CNTN3: variants seen among roughly 807,000 people sequenced by gnomAD.
CNTN3 encodes the protein contactin 3.
In CNTN3, 60 loss-of-function variants were observed where a neutral mutation model predicts 119.1. That is an observed-to-expected ratio of 0.50 (90% confidence interval 0.41 to 0.62). The LOEUF is 0.62. CNTN3 is among the 20% of genes least tolerant of loss of function. The pLI, the probability that CNTN3 is intolerant of heterozygous loss-of-function variation, is 0.00. For synonymous variants in CNTN3, 450 were observed against 438.7 expected, an observed-to-expected ratio of 1.03 and a Z score of -0.32; for missense variants, 1,101 against 1,242.4, an observed-to-expected ratio of 0.89 and a Z score of 1.71.
chr3:74,566,959 G>A (rs932068040), intron 1 of CNTN3, among the ~76,000 whole-genome samples: 2 of 152,044 alleles, frequency 1.3e-5, no homozygotes, highest in African/African-American at 4.8e-5. Context: ...TCCACTGGCT[G>A]AATCCAATTA....
At chr3:74,278,817 G>C (rs1161508959) in intron 20 of CNTN3, among the ~76,000 whole-genome samples, 1 of 151,962 alleles carries the variant, frequency 6.6e-6, no homozygotes, top group Non-Finnish European at 1.5e-5. Flanking sequence ...AGAGTAAACA[G>C]ACAACCTAAA....
At chr3:74,508,568 C>T (rs1454791256) in intron 2 of CNTN3, among the ~76,000 whole-genome samples, 1 of 152,076 alleles carries the variant, frequency 6.6e-6, no homozygotes, top group Non-Finnish European at 1.5e-5. Flanking sequence ...AACTGATAAA[C>T]ATACAACTGA....
intron 1 of CNTN3, among the ~76,000 whole-genome samples, chr3:74,552,545 G>A (rs1704007383): frequency 6.6e-6 from 1 of 152,080 alleles, no homozygotes; most frequent in South Asian, 2.1e-4. Flanking sequence ...ATTTTCTCTG[G>A]CATATGATGC....
At chr3:74,603,673 C>A (rs993065885) in intron 1 of CNTN3, among the ~76,000 whole-genome samples, 1 of 151,730 alleles carries the variant, frequency 6.6e-6, no homozygotes, top group African/African-American at 2.4e-5. Context: ...GAAGAAGATA[C>A]AAATAAATGG....
intron 11 of CNTN3, among the ~76,000 whole-genome samples, chr3:74,345,591 C>T (rs992806023): frequency 5.3e-5 from 8 of 151,936 alleles, no homozygotes; most frequent in East Asian, 1.9e-4. Context: ...AAGTTGTGAG[C>T]GGTAAAAGAA....
chr3:74,424,492 G>GAGAA (rs1553659093), intron 5 of CNTN3, among the ~76,000 whole-genome samples: 2 of 151,570 alleles, frequency 1.3e-5, no homozygotes, highest in Non-Finnish European at 2.9e-5. Flanking sequence ...GAGAGAGAGA[G>GAGAA]AGAGAAAGAG....
At chr3:74,429,628 C>T (rs1403038745) in intron 4 of CNTN3, among the ~76,000 whole-genome samples, 2 of 151,994 alleles carry the variant, frequency 1.3e-5, no homozygotes, top group Non-Finnish European at 2.9e-5. Flanking sequence ...AAAGGAAGGA[C>T]CAATAAACCA....
chr3:74,348,326 CT>C (rs1703739673), intron 11 of CNTN3, among the ~76,000 whole-genome samples: 1 of 152,110 alleles, frequency 6.6e-6, no homozygotes, highest in Non-Finnish European at 1.5e-5. Context: ...GTAATTTTTA[CT>C]TGTCAAGTAT....
At chr3:74,567,493 T>C (rs566995897) in intron 1 of CNTN3, among the ~76,000 whole-genome samples, 3 of 152,074 alleles carry the variant, frequency 2.0e-5, no homozygotes, top group South Asian at 2.1e-4. Context: ...TAGATGACTA[T>C]GAAATAGCTG....
At chr3:74,563,873 C>T (rs2107177218) in intron 1 of CNTN3, among the ~76,000 whole-genome samples, 1 of 152,266 alleles carries the variant, frequency 6.6e-6, no homozygotes, top group East Asian at 1.9e-4. Flanking sequence ...TGAATTAACT[C>T]TATCTCCCAT....
intron 1 of CNTN3, among the ~76,000 whole-genome samples, chr3:74,554,502 T>C (rs1330846541): frequency 6.6e-6 from 1 of 152,204 alleles, no homozygotes; most frequent in African/African-American, 2.4e-5. Context: ...ATAAATTACT[T>C]TGGGCAGTAT....
chr3:74,498,192 G>T (rs775305827), intron 3 of CNTN3, among the ~76,000 whole-genome samples: 5 of 151,684 alleles, frequency 3.3e-5, no homozygotes, highest in Non-Finnish European at 7.4e-5. Context: ...ATGTCTATGA[G>T]AATAATCTTT....
intron 20 of CNTN3, among the ~76,000 whole-genome samples, chr3:74,282,247 C>A (rs1274138784): frequency 2.7e-5 from 4 of 150,210 alleles, no homozygotes; most frequent in Admixed American, 2.7e-4. Flanking sequence ...ACTTGAGAAT[C>A]CTTGTGTTAT....
At chr3:74,462,475 C>G (rs915517161) in intron 4 of CNTN3, among the ~76,000 whole-genome samples, 1 of 152,002 alleles carries the variant, frequency 6.6e-6, no homozygotes, top group Non-Finnish European at 1.5e-5. Flanking sequence ...GAATACCACT[C>G]CAAAAATCTA....
At chr3:74,384,130 TTAAA>T (rs1266588543) in intron 5 of CNTN3, among the ~76,000 whole-genome samples, 1 of 152,232 alleles carries the variant, frequency 6.6e-6, no homozygotes, top group Non-Finnish European at 1.5e-5. Flanking sequence ...CATTTACTAC[TTAAA>T]TAATTTTCTT....
At chr3:74,385,592 A>G (rs1433653839) in intron 5 of CNTN3, among the ~76,000 whole-genome samples, 1 of 152,110 alleles carries the variant, frequency 6.6e-6, no homozygotes, top group Non-Finnish European at 1.5e-5. Flanking sequence ...CCCTTTGATA[A>G]ATTCATTTAA....
intron 2 of CNTN3, among the ~76,000 whole-genome samples, chr3:74,511,625 TACC>T (rs1703364768): frequency 6.6e-6 from 1 of 152,050 alleles, no homozygotes; most frequent in African/African-American, 2.4e-5. Flanking sequence ...ACTATGATCT[TACC>T]ACTACACTTC....
At chr3:74,549,494 G>T (rs1263043916) in intron 1 of CNTN3, among the ~76,000 whole-genome samples, 2 of 152,118 alleles carry the variant, frequency 1.3e-5, no homozygotes, top group Non-Finnish European at 2.9e-5. Context: ...CTTGACATGT[G>T]TTCCAAAAGA....
intron 5 of CNTN3, among the ~76,000 whole-genome samples, chr3:74,413,187 A>G (rs1158464054): frequency 6.6e-6 from 1 of 152,160 alleles, no homozygotes; most frequent in Non-Finnish European, 1.5e-5. Context: ...GACACGTCCC[A>G]GGTAGGGACC....
Sources: allele counts gnomAD v4.1 joint callset (sites outside exome capture counted in the v4.1 genomes callset), GRCh38; gene constraint gnomAD v4.1.1; transcripts MANE v1.5; gene names NCBI Gene and HGNC (gene_info 2026-07-23, HGNC 2026-07-21).